The following SNAPC3 variants were observed in gnomAD, a reference collection of about 807,000 sequenced individuals.
The protein encoded by SNAPC3 is small nuclear RNA activating complex polypeptide 3.
Under a neutral mutation model 47.7 loss-of-function variants are expected in SNAPC3, and 56 were observed. The ratio of observed to expected loss-of-function variants is 1.18; its 90% CI spans 0.95 to 1.47. The LOEUF (loss-of-function observed/expected upper bound fraction) is 1.47. Among genes scored for constraint, SNAPC3 ranks in the 40% most tolerant of loss-of-function variants. The probability of loss-of-function intolerance (pLI) is 0.00; values close to 1 mark genes in which losing one functional copy is unlikely to be tolerated. For synonymous variants in SNAPC3, 235 were observed against 189.9 expected (o/e 1.24, Z -1.95); for missense variants, 665 against 511.3 (o/e 1.30, Z -2.90).
intron 5 of SNAPC3, among the ~76,000 whole-genome samples, chr9:15,450,686 A>G (rs539637893): frequency 6.6e-6 from 1 of 152,286 alleles, no homozygotes; most frequent in Admixed American, 6.5e-5. Context: ...CTTTGGAAAA[A>G]TACTGATCCC....
chr9:15,456,320 A>T (rs1012147587), intron 7 of SNAPC3, among the ~76,000 whole-genome samples: 1 of 151,780 alleles, frequency 6.6e-6, no homozygotes, highest in Non-Finnish European at 1.5e-5. Flanking sequence ...TTTTCCGTAC[A>T]TTTCTTATAG....
intron 8 of SNAPC3, among the ~76,000 whole-genome samples, chr9:15,459,049 G>T (rs959692150): frequency 6.6e-6 from 1 of 151,840 alleles, no homozygotes; most frequent in African/African-American, 2.4e-5. Flanking sequence ...GTTTGTTTTC[G>T]CCACCCCACC....
intron 7 of SNAPC3, among the ~76,000 whole-genome samples, chr9:15,457,598 TAAATAA>T (rs1563855449): frequency 6.6e-6 from 1 of 151,878 alleles, no homozygotes; most frequent in East Asian, 1.9e-4. Context: ...CCATTTCAAA[TAAATAA>T]AAATAAAAGG....
At chr9:15,433,438 T>C in intron 2 of SNAPC3, 114 bp from the exon 3 acceptor site, 1 of 720,026 alleles carries the variant, frequency 1.4e-6, no homozygotes, top group Non-Finnish European at 2.4e-6. Flanking sequence ...TTTTCCTGCT[T>C]TTGCTACTTA....
chr9:15,459,634 A>G, intron 8 of SNAPC3, 85 bp from the exon 9 acceptor site: 7 of 1,031,206 alleles, frequency 6.8e-6, no homozygotes, highest in South Asian at 3.1e-5. Context: ...AGAATGTTAT[A>G]TTTACATATT....
intron 7 of SNAPC3, among the ~76,000 whole-genome samples, chr9:15,456,455 GACAA>G (rs1357886848): frequency 2.0e-5 from 3 of 151,966 alleles, no homozygotes; most frequent in East Asian, 3.9e-4. Context: ...GAGTGTCAAA[GACAA>G]ACAATTTACA....
chr9:15,447,446 C>T (rs1221682479), intron 5 of SNAPC3, among the ~76,000 whole-genome samples: 1 of 152,128 alleles, frequency 6.6e-6, no homozygotes, highest in Non-Finnish European at 1.5e-5. Context: ...CTTCATCTCT[C>T]ATTTGTTTCT....
Position 15,459,864 on chromosome 9 carries a change from TAAGAATAGCTACACTCACAAA to T in SNAPC3, c.*1_*21del, listed in dbSNP as rs532137157. 1.2e-3 allele frequency: 1,980 copies of T among 1,611,572 alleles called. 26 individuals carry two copies. In the African/African-American group the frequency reaches 0.024, roughly 19 times the overall value. On this transcript the variant is annotated stop_retained_variant and 3_prime_UTR_variant, in exon 9 of 9. Coordinates refer to ENST00000380821, the MANE Select transcript of SNAPC3 (RefSeq NM_001039697.2). ...TTATGTTGATCCTGGAACCTTTAAT[TAAGAATAGCTACACTCACAAA>T]AATACCCCCTCATGAAATAACTGTT... is the stretch of plus-strand genomic sequence containing the variant.
chr9:15,447,192 T>C lies in SNAPC3; in HGVS notation c.680T>C (p.Ile227Thr). Residue 227 changes from isoleucine (I) to threonine (T), a missense_variant, in exon 5 of 9, where the codon ATT becomes ACT. By Grantham distance (89) the Ile-to-Thr change is moderately conservative. Transcript: ENST00000380821. ...DSIRCVSDLQ[I>T]GGEFSNTPDQ... ...ATTCGATGTGTCAGTGACCTCCAGATTGGTGGTGAATTCAGCAACACTCCT... is the reference window on the plus strand; with the variant it reads ...ATTCGATGTGTCAGTGACCTCCAGACTGGTGGTGAATTCAGCAACACTCCT... 6.2e-7 allele frequency: 1 copy of C among 1,613,194 alleles called. No individual in the cohort carries two copies.
chr9:15,457,422 G>A (rs745442390), intron 7 of SNAPC3, among the ~76,000 whole-genome samples: 2 of 151,878 alleles, frequency 1.3e-5, no homozygotes, highest in Non-Finnish European at 2.9e-5. Context: ...TAGTGAGACC[G>A]TGTCTCTACA....
chr9:15,443,910 TGTCCCATCAG>T (rs563384259), intron 3 of SNAPC3, among the ~76,000 whole-genome samples: 3 of 152,320 alleles, frequency 2.0e-5, no homozygotes, highest in African/African-American at 7.2e-5. Context: ...TTGTTGTAAG[TGTCCCATCAG>T]GTTCCAGAGT....
chr9:15,464,491 TACAGACTTATCAAAGTACAATGCTGGA>T (rs2035475510), downstream of SNAPC3: 2 of 201,196 alleles, frequency 9.9e-6, no homozygotes, highest in Non-Finnish European at 1.0e-5. Flanking sequence ...CACGTCAATG[TACAGACTTATCAAAGTACAATGCTGGA>T]ACAACTAGTG....
intron 6 of SNAPC3, 99 bp downstream of exon 6, chr9:15,451,501 G>A (rs867452839): frequency 1.2e-5 from 6 of 505,434 alleles, no homozygotes; most frequent in Non-Finnish European, 2.1e-5. Context: ...AAGGACCTTT[G>A]CCAAGGAATT....
At chr9:15,440,479 T>G (rs1198702908) in intron 3 of SNAPC3, among the ~76,000 whole-genome samples, 1 of 152,064 alleles carries the variant, frequency 6.6e-6, no homozygotes, top group Non-Finnish European at 1.5e-5. Flanking sequence ...CAGGTTTTGT[T>G]TTTTTTCTTT....
intron 8 of SNAPC3, among the ~76,000 whole-genome samples, chr9:15,459,254 T>C (rs897650464): frequency 1.3e-5 from 2 of 152,230 alleles, no homozygotes; most frequent in African/African-American, 4.8e-5. Flanking sequence ...TCTTGAGTTC[T>C]AGGTAAAAAG....
intron 3 of SNAPC3, among the ~76,000 whole-genome samples, chr9:15,437,467 A>G (rs1347516211): frequency 6.6e-6 from 1 of 152,052 alleles, no homozygotes; most frequent in East Asian, 1.9e-4. Context: ...TCCTGACCTC[A>G]GGTGATCCAC....
intron 5 of SNAPC3, among the ~76,000 whole-genome samples, chr9:15,447,951 A>G (rs1008059067): frequency 8.5e-5 from 13 of 152,296 alleles, no homozygotes; most frequent in South Asian, 2.1e-4. Flanking sequence ...GCTACCCACA[A>G]TGTTTTCAGA....
intron 2 of SNAPC3, among the ~76,000 whole-genome samples, chr9:15,431,075 G>T (rs879370379): frequency 6.6e-6 from 1 of 152,210 alleles, no homozygotes; most frequent in East Asian, 1.9e-4. Flanking sequence ...CTGATCTGAT[G>T]TGCTGGCTCA....
rs2035132818 is a variant in SNAPC3, at chr9:15,460,558, T to C, written c.*692T>C. On this transcript the variant is annotated 3_prime_UTR_variant, in exon 9 of 9. Coordinates refer to ENST00000380821, the MANE Select transcript of SNAPC3 (RefSeq NM_001039697.2). ...GGCACCTGGCACCATGCCTGGCTAA[T>C]TTTTGTATTTTTAGTAGAGACGGGG... is the stretch of plus-strand genomic sequence containing the variant. 1 of 152,226 alleles carries C rather than the reference T, an allele frequency of 6.6e-6. No individual in the cohort carries two copies. The highest frequency in any genetic ancestry group is 2.1e-4 in the South Asian group (1 of 4,834). The allele number at this position is 152,226 out of a possible 1,614,324, so 9.4% of individuals were successfully genotyped here. A position where few individuals can be genotyped will look rare whatever the true frequency, so the allele number is the denominator to read the frequency against.
Sources: allele counts gnomAD v4.1 joint callset (sites outside exome capture counted in the v4.1 genomes callset), GRCh38; gene constraint gnomAD v4.1.1; transcripts MANE v1.5; gene names NCBI Gene and HGNC (gene_info 2026-07-23, HGNC 2026-07-21).